COL19A1: variants seen among roughly 807,000 people sequenced by gnomAD.
COL19A1 encodes collagen type XIX alpha 1 chain.
A neutral mutation model predicts 190.2 loss-of-function variants in COL19A1; 159 were observed. That is an observed-to-expected ratio of 0.84 (90% confidence interval 0.73 to 0.95). The LOEUF (loss-of-function observed/expected upper bound fraction) is 0.95. Among genes scored for constraint, COL19A1 ranks in the 40% least tolerant of loss-of-function variants. COL19A1 has a pLI of 0.00. For synonymous variants in COL19A1, 509 were observed against 458.9 expected (o/e 1.11, Z -1.39); for missense variants, 1,418 against 1,431.9 (o/e 0.99, Z 0.16).
At chr6:70,053,656 C>A (rs1334015222) in intron 14 of COL19A1, among the ~76,000 whole-genome samples, 1 of 152,074 alleles carries the variant, frequency 6.6e-6, no homozygotes, top group African/African-American at 2.4e-5. Flanking sequence ...TTTCATTGAC[C>A]TGCAATATAA....
intron 2 of COL19A1, among the ~76,000 whole-genome samples, chr6:69,891,371 C>T (rs1051157848): frequency 5.3e-5 from 8 of 152,056 alleles, no homozygotes; most frequent in African/African-American, 1.7e-4. Flanking sequence ...GACACAATTA[C>T]CTATCAGTGA....
intron 11 of COL19A1, among the ~76,000 whole-genome samples, chr6:70,004,968 G>A (rs191751468): frequency 6.6e-6 from 1 of 152,024 alleles, no homozygotes; most frequent in East Asian, 1.9e-4. Context: ...GAGTAGCTGG[G>A]ACTACAGGTG....
At chr6:70,029,791 G>A (rs1414467269) in intron 12 of COL19A1, among the ~76,000 whole-genome samples, 1 of 152,128 alleles carries the variant, frequency 6.6e-6, no homozygotes, top group Non-Finnish European at 1.5e-5. Flanking sequence ...GTGAGTTAAA[G>A]CACAGTTGTT....
chr6:70,175,194 C>T (rs187672852), intron 41 of COL19A1, among the ~76,000 whole-genome samples: 62 of 152,240 alleles, frequency 4.1e-4, no homozygotes, highest in Middle Eastern at 6.8e-3. Context: ...ATGCTCCATA[C>T]GTTAAAGACA....
rs1786958423 is a variant in COL19A1, at chr6:70,150,153, G to C, written c.2037+108G>C. The C allele has an allele frequency of 3.5e-6, 4 of 1,134,214 alleles. No homozygotes were observed. The East Asian group carries it at 9.5e-5, about 27-fold the overall frequency. 70.3% of individuals were successfully genotyped at this position (1,134,214 alleles called of 1,614,324 possible). A position where few individuals can be genotyped will look rare whatever the true frequency, so the allele number is the denominator to read the frequency against. On this transcript the variant is annotated intron_variant, in intron 30 of 50. Transcript: ENST00000620364. Reference sequence around the variant, plus strand: ...AAACTAATTAGAATGCTCGGTGACTGCTTGGTGATTTTGTTTATCCCCATT... The same window carrying C: ...AAACTAATTAGAATGCTCGGTGACTCCTTGGTGATTTTGTTTATCCCCATT...
At chr6:69,925,655 G>GAATCTAT (rs1179100594) in intron 4 of COL19A1, among the ~76,000 whole-genome samples, 2 of 152,120 alleles carry the variant, frequency 1.3e-5, no homozygotes, top group African/African-American at 4.8e-5. Flanking sequence ...GGATGGCATT[G>GAATCTAT]AATCTATAAA....
At chr6:70,007,017 G>A (rs1777679229) in intron 11 of COL19A1, among the ~76,000 whole-genome samples, 1 of 151,984 alleles carries the variant, frequency 6.6e-6, no homozygotes, top group African/African-American at 2.4e-5. Flanking sequence ...AGAAAGAACA[G>A]GGGAGCAAAA....
intron 11 of COL19A1, among the ~76,000 whole-genome samples, chr6:70,006,433 A>G (rs1777630431): frequency 6.6e-6 from 1 of 152,104 alleles, no homozygotes; most frequent in Non-Finnish European, 1.5e-5. Context: ...CTGCTGCACC[A>G]CACTGCTCTT....
At chr6:69,996,947 T>C (rs1776942071) in intron 11 of COL19A1, among the ~76,000 whole-genome samples, 2 of 150,946 alleles carry the variant, frequency 1.3e-5, no homozygotes, top group East Asian at 2.0e-4. Flanking sequence ...TGTATATATA[T>C]GTATGTACAT....
At chr6:70,066,967 C>T (rs1436266025) in intron 14 of COL19A1, among the ~76,000 whole-genome samples, 2 of 151,956 alleles carry the variant, frequency 1.3e-5, no homozygotes, top group African/African-American at 2.4e-5. Flanking sequence ...GATGAGTTCC[C>T]CATGTGAATT....
chr6:70,141,903 G>A lies in COL19A1; in HGVS notation c.1493G>A (p.Gly498Glu). The A allele has an allele frequency of 6.3e-7, 1 of 1,593,874 alleles. No homozygotes were observed. The highest frequency in any genetic ancestry group is 1.1e-5 in the South Asian group (1 of 90,636). The change falls in exon 21 of 51, where the codon GGG (glycine) becomes GAG (glutamate). Residue 498 changes from glycine (G) to glutamate (E), a missense_variant. Coordinates refer to ENST00000620364, the MANE Select transcript of COL19A1 (RefSeq NM_001858.6). ...TTATTTTATTTACAGGGAGAACCTG[G>A]GGTAATAGGATCACAGGGAGTAAAG... ...KGEKGDRGEP[G>E]VIGSQGVKGE...
intron 4 of COL19A1, among the ~76,000 whole-genome samples, chr6:69,913,527 G>T (rs1017924847): frequency 2.6e-5 from 4 of 152,226 alleles, no homozygotes; most frequent in Admixed American, 2.0e-4. Context: ...GAGCCTTGAA[G>T]TGTGAATTTA....
At chr6:70,064,894 T>C (rs1781082892) in intron 14 of COL19A1, among the ~76,000 whole-genome samples, 1 of 152,034 alleles carries the variant, frequency 6.6e-6, no homozygotes, top group Non-Finnish European at 1.5e-5. Context: ...GGAATCCAAC[T>C]TACAAGGGAT....
intron 18 of COL19A1, among the ~76,000 whole-genome samples, chr6:70,134,798 T>A (rs768016576): frequency 1.1e-4 from 16 of 152,192 alleles, no homozygotes; most frequent in Non-Finnish European, 2.2e-4. Context: ...AATACATGAA[T>A]TTTTCACACA....
chr6:69,949,610 T>G (rs1774011315), intron 9 of COL19A1, among the ~76,000 whole-genome samples: 1 of 151,834 alleles, frequency 6.6e-6, no homozygotes, highest in Admixed American at 6.6e-5. Context: ...AGAAAAATGG[T>G]TTGTTAGATT....
intron 11 of COL19A1, among the ~76,000 whole-genome samples, chr6:70,008,738 G>T (rs1311392857): frequency 1.3e-5 from 2 of 151,596 alleles, no homozygotes; most frequent in Non-Finnish European, 3.0e-5. Context: ...AAAGTCCATA[G>T]GCCAATATCT....
intron 1 of COL19A1, among the ~76,000 whole-genome samples, chr6:69,872,024 C>T (rs1767869904): frequency 1.3e-5 from 2 of 152,084 alleles, no homozygotes; most frequent in African/African-American, 4.8e-5. Context: ...ACCATGTTGG[C>T]CAGACTTGTC....
intron 14 of COL19A1, among the ~76,000 whole-genome samples, chr6:70,058,410 T>G (rs545179546): frequency 6.6e-6 from 1 of 152,168 alleles, no homozygotes; most frequent in African/African-American, 2.4e-5. Context: ...GAATCATTCT[T>G]GTCCACCCTA....
At chr6:70,130,664 C>T (rs900632100) in intron 18 of COL19A1, among the ~76,000 whole-genome samples, 1 of 152,226 alleles carries the variant, frequency 6.6e-6, no homozygotes, top group African/African-American at 2.4e-5. Context: ...CAGGGGCCTC[C>T]GCCTGCCTCC....
Sources: gnomAD v4.1 joint callset for allele counts (sites outside exome capture counted in the v4.1 genomes callset) on GRCh38, gnomAD v4.1.1 for gene constraint, MANE v1.5 for transcripts, NCBI Gene and HGNC (gene_info 2026-07-23, HGNC 2026-07-21) for gene names.